The following PRSS55 variants were observed in gnomAD, a reference collection of about 807,000 sequenced individuals.
The protein encoded by PRSS55 is serine protease 55.
A neutral mutation model predicts 23.6 loss-of-function variants in PRSS55; 41 were observed. The ratio of observed to expected loss-of-function variants is 1.74; its 90% CI spans 1.35 to 2.26. The LOEUF (loss-of-function observed/expected upper bound fraction) is 2.26, where lower values mean the gene tolerates loss of function less well. PRSS55 is among the 30% of genes most tolerant of loss of function. The probability of loss-of-function intolerance (pLI) is 0.00; values close to 1 mark genes in which losing one functional copy is unlikely to be tolerated. For missense variants in PRSS55, 669 were observed against 439.1 expected (o/e 1.52, Z -4.68); for synonymous variants, 262 against 175.5 (o/e 1.49, Z -3.90).
intron 4 of PRSS55, among the ~76,000 whole-genome samples, chr8:10,535,014 G>A (rs1812407120): frequency 6.6e-6 from 1 of 152,106 alleles, no homozygotes; most frequent in Admixed American, 6.5e-5. Context: ...CAATCAGGGA[G>A]GTGAAAGATC....
chr8:10,529,773 C>T, intron 2 of PRSS55, 74 bp downstream of exon 2: 1 of 1,444,578 alleles, frequency 6.9e-7, no homozygotes, highest in Non-Finnish European at 9.5e-7. Flanking sequence ...TCACCCACAC[C>T]TGGTGGCTGA....
intron 4 of PRSS55, among the ~76,000 whole-genome samples, chr8:10,545,455 G>C (rs1008677851): frequency 6.6e-6 from 1 of 152,138 alleles, no homozygotes; most frequent in Non-Finnish European, 1.5e-5. Flanking sequence ...TTAACTTTAA[G>C]TTGCTGTAAA....
At chr8:10,550,687 C>CTG (rs1209899986) in intron 4 of PRSS55, among the ~76,000 whole-genome samples, 2 of 152,212 alleles carry the variant, frequency 1.3e-5, no homozygotes, top group Admixed American at 6.5e-5. Context: ...TTGATGATAA[C>CTG]TGTGTTACCC....
intron 4 of PRSS55, among the ~76,000 whole-genome samples, chr8:10,552,313 G>A (rs1255453282): frequency 1.3e-5 from 2 of 152,156 alleles, no homozygotes; most frequent in Non-Finnish European, 2.9e-5. Flanking sequence ...GATGGCTGGA[G>A]GCCTCCAGGA....
At chr8:10,543,506 A>C (rs1159878757), downstream of PRSS55, among the ~76,000 whole-genome samples, 2 of 114,100 alleles carry the variant, frequency 1.8e-5, no homozygotes, top group East Asian at 2.7e-4. Context: ...CAAGGTCTTC[A>C]CTCTGTCGCC....
chr8:10,537,891 G>T (rs182427376), intron 4 of PRSS55, among the ~76,000 whole-genome samples: 215 of 152,298 alleles, frequency 1.4e-3, no homozygotes, highest in African/African-American at 5.1e-3. Flanking sequence ...GATTTATGTA[G>T]ACGTGGGGCA....
chr8:10,551,585 C>A (rs565639866), intron 4 of PRSS55, among the ~76,000 whole-genome samples: 1 of 152,286 alleles, frequency 6.6e-6, no homozygotes, highest in African/African-American at 2.4e-5. Flanking sequence ...TCATCTTGTG[C>A]GAGGTAGGGG....
At chr8:10,539,361 G>A (rs960998634), downstream of PRSS55, among the ~76,000 whole-genome samples, 3 of 152,238 alleles carry the variant, frequency 2.0e-5, no homozygotes, top group African/African-American at 7.2e-5. Context: ...TGACATATGA[G>A]ATGAACCACC....
At chr8:10,533,486 T>C (rs925787021) in intron 4 of PRSS55, among the ~76,000 whole-genome samples, 1 of 152,156 alleles carries the variant, frequency 6.6e-6, no homozygotes, top group African/African-American at 2.4e-5. Flanking sequence ...GGACAGGCAG[T>C]GGATAAACAA....
intron 1 of PRSS55, among the ~76,000 whole-genome samples, chr8:10,526,675 C>A (rs959877525): frequency 2.0e-4 from 30 of 152,300 alleles, no homozygotes; most frequent in African/African-American, 7.2e-4. Flanking sequence ...GATCTCAGGA[C>A]CAAGAATGTG....
intron 4 of PRSS55, among the ~76,000 whole-genome samples, chr8:10,537,888 G>A (rs1391895276): frequency 1.3e-5 from 2 of 152,196 alleles, no homozygotes; most frequent in Non-Finnish European, 2.9e-5. Context: ...TTTGATTTAT[G>A]TAGACGTGGG....
Position 10,525,599 on chromosome 8 carries a change from C to G in PRSS55, c.14C>G (p.Ser5Ter), listed in dbSNP as rs770717607. 8.1e-6 allele frequency: 13 copies of G among 1,613,962 alleles called. No individual in the cohort carries two copies. The highest frequency in any genetic ancestry group is 6.7e-5 in the East Asian group (3 of 44,884). MLLF[S>*]VLLLLSLVTG... ...CAGCCCAGGGCCATGCTCCTGTTCT[C>G]AGTGTTGCTGCTCCTGTCCCTGGTC... The change falls in exon 1 of 5, where the codon TCA (serine) becomes TGA (stop). Residue 5 changes from serine to a stop codon, truncating the protein, a stop_gained. Coordinates refer to ENST00000328655, the MANE Select transcript of PRSS55 (RefSeq NM_198464.4). LOFTEE classifies it high-confidence loss of function.
rs372070346 is a variant in PRSS55, at chr8:10,531,550, G to T, written c.598+5G>T. ...GTTGGGGCCAGACCAATGCTGGTAT[G>T]TGACTGCTCAGCTTCCCCTGGGGAA... On this transcript the variant is annotated splice_donor_5th_base_variant and intron_variant, in intron 3 of 4. Transcript: ENST00000328655. The T allele has an allele frequency of 1.9e-6, 3 of 1,612,700 alleles. No homozygotes were observed. The highest frequency in any genetic ancestry group is 2.5e-6 in the Non-Finnish European group (3 of 1,179,662).
chr8:10,538,289 C>G (rs373697943), intron 4 of PRSS55, among the ~76,000 whole-genome samples, 187 bp from the exon 5 acceptor site: 1 of 149,928 alleles, frequency 6.7e-6, no homozygotes. Flanking sequence ...CCACCCCCAA[C>G]GCTCTACACC....
At chr8:10,538,342 CG>C in intron 4 of PRSS55, 133 bp from the exon 5 acceptor site, 1 of 685,142 alleles carries the variant, frequency 1.5e-6, no homozygotes, top group African/African-American at 1.8e-5. Context: ...ATGCTTCTCC[CG>C]TGGAGCAGGG....
chr8:10,528,982 G>A (rs1234325218), intron 1 of PRSS55, among the ~76,000 whole-genome samples: 3 of 152,000 alleles, frequency 2.0e-5, no homozygotes, highest in Non-Finnish European at 2.9e-5. Flanking sequence ...CCCTCTCAAG[G>A]GCCTCAGTGA....
At chr8:10,553,708 T>G (rs986355168) in intron 4 of PRSS55, among the ~76,000 whole-genome samples, 1 of 152,246 alleles carries the variant, frequency 6.6e-6, no homozygotes, top group African/African-American at 2.4e-5. Flanking sequence ...GAAGATCTAT[T>G]GCACAGCATG....
At chr8:10,526,184 G>A (rs1338973500) in intron 1 of PRSS55, among the ~76,000 whole-genome samples, 2 of 152,308 alleles carry the variant, frequency 1.3e-5, no homozygotes, top group Admixed American at 6.5e-5. Context: ...CTCCAAGGGG[G>A]TGGTCAAGAC....
downstream of PRSS55, among the ~76,000 whole-genome samples, chr8:10,542,934 G>A (rs1812701343): frequency 6.6e-6 from 1 of 150,568 alleles, no homozygotes; most frequent in African/African-American, 2.4e-5. Flanking sequence ...CAAGAATCAA[G>A]GCTCAGGTGT....
Sources: gnomAD v4.1 joint callset for allele counts (sites outside exome capture counted in the v4.1 genomes callset) on GRCh38, gnomAD v4.1.1 for gene constraint, MANE v1.5 for transcripts, NCBI Gene and HGNC (gene_info 2026-07-23, HGNC 2026-07-21) for gene names.